OPRM1: variants seen among roughly 807,000 people sequenced by gnomAD.
The protein encoded by OPRM1 is opioid receptor mu 1.
Under a neutral mutation model 31.8 loss-of-function variants are expected in OPRM1, and 27 were observed. The ratio of observed to expected loss-of-function variants is 0.85; its 90% CI spans 0.63 to 1.17. The LOEUF (loss-of-function observed/expected upper bound fraction) is 1.17, where lower values mean the gene tolerates loss of function less well. Among genes scored for constraint, OPRM1 ranks in the 50% most tolerant of loss-of-function variants. OPRM1 has a pLI of 0.00. For synonymous variants in OPRM1, 196 were observed against 189.9 expected, an observed-to-expected ratio of 1.03 and a Z score of -0.26; for missense variants, 536 against 511.1, an observed-to-expected ratio of 1.05 and a Z score of -0.47.
chr6:154,025,139 T>C (rs12199618), intron 1 of OPRM1, among the ~76,000 whole-genome samples: 13,528 of 152,106 alleles, frequency 0.089, 1,078 homozygotes, highest in African/African-American at 0.21. Flanking sequence ...CAGCTATTAT[T>C]GTATTGGGGC....
intron 3 of OPRM1, among the ~76,000 whole-genome samples, chr6:154,177,900 C>T (rs1263331131): frequency 6.6e-6 from 1 of 152,108 alleles, no homozygotes; most frequent in South Asian, 2.1e-4. Context: ...AAATGTCCAT[C>T]AATAATAGAC....
intron 3 of OPRM1, among the ~76,000 whole-genome samples, chr6:154,243,707 C>T (rs550159049): frequency 6.6e-6 from 1 of 152,226 alleles, no homozygotes; most frequent in East Asian, 1.9e-4. Flanking sequence ...TATCCTGGCC[C>T]GAGAGGGAGT....
At chr6:154,099,387 GAAAGAAAGAAAGT>G (rs1191740408) in intron 3 of OPRM1, among the ~76,000 whole-genome samples, 1 of 134,774 alleles carries the variant, frequency 7.4e-6, no homozygotes, top group Non-Finnish European at 1.6e-5. Flanking sequence ...GAAAGAAAGA[GAAAGAAAGAAAGT>G]AAAGAAAGAA....
intron 1 of OPRM1, among the ~76,000 whole-genome samples, chr6:154,059,310 A>G (rs1323177544): frequency 6.6e-6 from 1 of 152,210 alleles, no homozygotes; most frequent in Non-Finnish European, 1.5e-5. Flanking sequence ...AACCTGGTAA[A>G]ATAGAACCCA....
intron 1 of OPRM1, among the ~76,000 whole-genome samples, chr6:154,068,089 A>G (rs1305702122): frequency 6.6e-6 from 1 of 152,078 alleles, no homozygotes; most frequent in African/African-American, 2.4e-5. Flanking sequence ...AGTATATTTT[A>G]CTTAATCCCA....
chr6:154,024,297 C>A (rs1432560515), intron 1 of OPRM1, among the ~76,000 whole-genome samples: 1 of 151,924 alleles, frequency 6.6e-6, no homozygotes, highest in Non-Finnish European at 1.5e-5. Context: ...AATTGTCAAT[C>A]TCCTCTAGAT....
chr6:154,138,105 A>G (rs1233031157), intron 3 of OPRM1, among the ~76,000 whole-genome samples: 1 of 152,228 alleles, frequency 6.6e-6, no homozygotes, highest in Admixed American at 6.5e-5. Flanking sequence ...CTGAGCTTTC[A>G]AGTCACACTG....
At chr6:154,088,002 G>T (rs1433188821) in intron 1 of OPRM1, among the ~76,000 whole-genome samples, 1 of 151,712 alleles carries the variant, frequency 6.6e-6, no homozygotes, top group Admixed American at 6.6e-5. Flanking sequence ...TTTATATAAA[G>T]ACTTGCACAT....
intron 1 of OPRM1, among the ~76,000 whole-genome samples, chr6:154,049,976 A>G (rs1237083396): frequency 6.6e-6 from 1 of 151,828 alleles, no homozygotes; most frequent in Admixed American, 6.6e-5. Context: ...TCTTTTTTTG[A>G]TATGTCTTTG....
intron 3 of OPRM1, among the ~76,000 whole-genome samples, chr6:154,215,488 C>T (rs1778321787): frequency 1.3e-5 from 2 of 152,032 alleles, no homozygotes; most frequent in Admixed American, 1.3e-4. Flanking sequence ...AGCCTGTAAT[C>T]CCAGCTACTC....
chr6:154,183,785 G>A (rs1801099532), intron 3 of OPRM1, among the ~76,000 whole-genome samples: 1 of 152,040 alleles, frequency 6.6e-6, no homozygotes. Context: ...AGCTACGTGG[G>A]AGGCTGAGGT....
chr6:154,064,224 A>G (rs892507209), intron 1 of OPRM1, among the ~76,000 whole-genome samples: 3 of 152,156 alleles, frequency 2.0e-5, no homozygotes, highest in African/African-American at 7.2e-5. Context: ...GTCCTAATGA[A>G]TAGTGATATT....
chr6:154,165,391 A>T (rs1799345154), intron 3 of OPRM1, among the ~76,000 whole-genome samples: 1 of 152,228 alleles, frequency 6.6e-6, no homozygotes, highest in Non-Finnish European at 1.5e-5. Context: ...CAACATGAAC[A>T]TGCACACATG....
At chr6:154,047,438 T>TTCTC (rs61704475) in intron 1 of OPRM1, among the ~76,000 whole-genome samples, 1,598 of 146,560 alleles carry the variant, frequency 0.011, 19 homozygotes, top group Middle Eastern at 0.038. Context: ...GTGGGCAAAA[T>TTCTC]TCTCTCTCTC....
intron 1 of OPRM1, among the ~76,000 whole-genome samples, chr6:154,045,145 G>A (rs114955591): frequency 0.02 from 3,110 of 151,984 alleles, 105 homozygotes; most frequent in African/African-American, 0.069. Context: ...AGAATTTCTT[G>A]TACCCAGAGG....
At chr6:154,240,204 G>A (rs1780469513) in intron 3 of OPRM1, among the ~76,000 whole-genome samples, 1 of 152,208 alleles carries the variant, frequency 6.6e-6, no homozygotes, top group South Asian at 2.1e-4. Flanking sequence ...ATTAAGTAAT[G>A]TAATAATTAA....
At chr6:154,200,132 G>A (rs536614544) in intron 3 of OPRM1, 321 of 1,193,704 alleles carry the variant, frequency 2.7e-4, no homozygotes, top group Non-Finnish European at 3.3e-4. Flanking sequence ...CGGTGTCCCC[G>A]TGTTATTTCA....
intron 1 of OPRM1, among the ~76,000 whole-genome samples, chr6:154,081,867 G>T (rs1051868747): frequency 1.3e-5 from 2 of 152,076 alleles, no homozygotes; most frequent in Admixed American, 6.5e-5. Flanking sequence ...GTGTGCCTCG[G>T]GTCCTTCACC....
intron 1 of OPRM1, among the ~76,000 whole-genome samples, chr6:154,026,116 AG>A (rs1778681664): frequency 6.6e-6 from 1 of 152,074 alleles, no homozygotes; most frequent in African/African-American, 2.4e-5. Flanking sequence ...CATTTCTTGT[AG>A]GACAGGTCTG....
Sources: allele counts gnomAD v4.1 joint callset (sites outside exome capture counted in the v4.1 genomes callset), GRCh38; gene constraint gnomAD v4.1.1; transcripts MANE v1.5; gene names NCBI Gene and HGNC (gene_info 2026-07-23, HGNC 2026-07-21).